The following COX10 variants were observed in gnomAD, a reference collection of about 807,000 sequenced individuals.
The protein encoded by COX10 is protoheme IX farnesyltransferase, mitochondrial.
Under a neutral mutation model 37.3 loss-of-function variants are expected in COX10, and 27 were observed. The ratio of observed to expected loss-of-function variants is 0.72; its 90% CI spans 0.53 to 1.00. The LOEUF (loss-of-function observed/expected upper bound fraction) is 1.00. Among genes scored for constraint, COX10 ranks in the 50% least tolerant of loss-of-function variants. The pLI is 0.00. For synonymous variants in COX10, 222 were observed against 229.1 expected (o/e 0.97, Z 0.28); for missense variants, 475 against 563.2 (o/e 0.84, Z 1.59).
chr17:14,187,268 A>G (rs956399245), intron 5 of COX10, among the ~76,000 whole-genome samples: 2 of 152,116 alleles, frequency 1.3e-5, no homozygotes, highest in Non-Finnish European at 2.9e-5. Context: ...AGCTGTGAAC[A>G]AAAGTCTACC....
At chr17:14,176,227 T>A (rs1019732427) in intron 5 of COX10, among the ~76,000 whole-genome samples, 6 of 151,908 alleles carry the variant, frequency 3.9e-5, no homozygotes, top group African/African-American at 1.5e-4. Context: ...CTATTGCCTA[T>A]GTGTATCTTC....
intron 5 of COX10, among the ~76,000 whole-genome samples, chr17:14,189,730 C>T (rs1209111334): frequency 2.0e-5 from 3 of 152,194 alleles, no homozygotes; most frequent in Admixed American, 1.3e-4. Flanking sequence ...TTGAAGTCCC[C>T]TTGTATACCT....
intron 4 of COX10, among the ~76,000 whole-genome samples, chr17:14,144,272 T>C (rs1196929995): frequency 6.6e-6 from 1 of 152,196 alleles, no homozygotes; most frequent in Non-Finnish European, 1.5e-5. Flanking sequence ...TGTTTTTTGT[T>C]TGTTTGTTTT....
chr17:14,100,072 C>A (rs1452232112), intron 3 of COX10, among the ~76,000 whole-genome samples: 1 of 152,142 alleles, frequency 6.6e-6, no homozygotes, highest in Non-Finnish European at 1.5e-5. Context: ...TTTTACAACC[C>A]TTATTCACAA....
intron 5 of COX10, among the ~76,000 whole-genome samples, chr17:14,160,753 T>C (rs1381842219): frequency 6.6e-6 from 1 of 152,192 alleles, no homozygotes; most frequent in East Asian, 1.9e-4. Flanking sequence ...TTTAGACATT[T>C]CTCAATGAAT....
chr17:14,075,036 C>T (rs1597490317), intron 2 of COX10, among the ~76,000 whole-genome samples: 1 of 152,152 alleles, frequency 6.6e-6, no homozygotes, highest in Non-Finnish European at 1.5e-5. Context: ...TGCATTTTCT[C>T]AGATGGAAAA....
chr17:14,147,070 A>G (rs185460852), intron 4 of COX10, among the ~76,000 whole-genome samples: 3 of 152,170 alleles, frequency 2.0e-5, no homozygotes, highest in East Asian at 3.9e-4. Context: ...AGTAGACCCA[A>G]TATGGAGAAC....
chr17:14,102,355 A>T (rs1915804017), intron 4 of COX10, 113 bp downstream of exon 4: 3 of 1,471,090 alleles, frequency 2.0e-6, no homozygotes, highest in Non-Finnish European at 2.8e-6. Flanking sequence ...AAGCATTTGT[A>T]ACACTATATA....
intron 4 of COX10, among the ~76,000 whole-genome samples, chr17:14,106,477 G>A (rs1483014887): frequency 1.3e-5 from 2 of 152,082 alleles, no homozygotes; most frequent in South Asian, 2.1e-4. Flanking sequence ...TATTTATTTC[G>A]ATAGTTTTCT....
intron 5 of COX10, among the ~76,000 whole-genome samples, chr17:14,172,923 C>T (rs947278529): frequency 6.6e-6 from 1 of 152,034 alleles, no homozygotes; most frequent in Admixed American, 6.6e-5. Flanking sequence ...AAACTCCTGG[C>T]CTCAAGTGAT....
intron 4 of COX10, among the ~76,000 whole-genome samples, chr17:14,118,140 T>C (rs1916153644): frequency 1.3e-5 from 2 of 152,034 alleles, no homozygotes; most frequent in African/African-American, 4.8e-5. Flanking sequence ...CCCGCTAGGA[T>C]CTTGAGTTTT....
rs185462415 is a variant in COX10 at position 14,110,696 on chromosome 17, G to T, written c.624+8454G>T. Reference sequence around the variant, plus strand: ...TCTTCTGAATCCCATTAGCCTCCTAGTTCTCTGCTCTGAACCACAGACTCC... The same window carrying T: ...TCTTCTGAATCCCATTAGCCTCCTATTTCTCTGCTCTGAACCACAGACTCC... On this transcript the variant is annotated intron_variant, in intron 4 of 6. Transcript: ENST00000261643. Among the ~76,000 whole-genome samples, 93 of 151,924 alleles carry T rather than the reference G, an allele frequency of 6.1e-4. 1 individual carries two copies. Among genetic ancestry groups the T allele is most frequent in the Admixed American group, 3.2e-3 (49 of 15,230 alleles).
chr17:14,149,257 A>G (rs1904821625), intron 4 of COX10, among the ~76,000 whole-genome samples: 1 of 152,030 alleles, frequency 6.6e-6, no homozygotes, highest in African/African-American at 2.4e-5. Flanking sequence ...TACTATGTTT[A>G]TATCAATTAG....
intron 5 of COX10, among the ~76,000 whole-genome samples, chr17:14,170,041 TC>T (rs990538731): frequency 2.0e-5 from 3 of 152,134 alleles, no homozygotes. Context: ...CATGTCTGCT[TC>T]CCTGTTGACC....
At chr17:14,202,760 T>G (rs548430097) in intron 6 of COX10, among the ~76,000 whole-genome samples, 3 of 137,638 alleles carry the variant, frequency 2.2e-5, no homozygotes, top group East Asian at 2.5e-4. Flanking sequence ...CCCCAGCCTG[T>G]TCCCCCCTGC....
intron 5 of COX10, among the ~76,000 whole-genome samples, chr17:14,162,595 T>C (rs1905192376): frequency 6.7e-6 from 1 of 148,770 alleles, no homozygotes; most frequent in Non-Finnish European, 1.5e-5. Flanking sequence ...CGTTGGCTAA[T>C]GGATGGCACT....
chr17:14,185,290 G>GT (rs1047439335), intron 5 of COX10, among the ~76,000 whole-genome samples: 1 of 145,100 alleles, frequency 6.9e-6, no homozygotes, highest in African/African-American at 2.6e-5. Flanking sequence ...GATGGTTTTT[G>GT]TTTTTTTAAT....
intron 3 of COX10, among the ~76,000 whole-genome samples, chr17:14,099,108 C>T (rs1033930464): frequency 2.0e-5 from 3 of 151,978 alleles, no homozygotes; most frequent in East Asian, 3.9e-4. Flanking sequence ...AATCTTTATC[C>T]GAACCTGCAC....
chr17:14,203,444 G>C lies in COX10; in HGVS notation c.929-3366G>C, dbSNP rs78127563. 6.3e-3 allele frequency among the ~76,000 whole-genome samples: 962 copies of C among 152,204 alleles called. 7 individuals are homozygous for C. The highest frequency in any genetic ancestry group is 0.022 in the African/African-American group (911 of 41,514). On this transcript the variant is annotated intron_variant, in intron 6 of 6. Transcript: ENST00000261643. ...GGCCCTCATCCCTCTTAAACCATCT[G>C]TACCCACACAAATTCCGCTTGATAA...
Sources: gnomAD v4.1 joint callset for allele counts (sites outside exome capture counted in the v4.1 genomes callset) on GRCh38, gnomAD v4.1.1 for gene constraint, MANE v1.5 for transcripts, NCBI Gene and HGNC (gene_info 2026-07-23, HGNC 2026-07-21) for gene names.